SLC26A8: variants seen among roughly 807,000 people sequenced by gnomAD.
The protein encoded by SLC26A8 is testis anion transporter 1.
SLC26A8 carries 70 observed loss-of-function variants against 105.0 expected under a neutral mutation model. That is an observed-to-expected ratio of 0.67 (90% confidence interval 0.55 to 0.81). The LOEUF is 0.81. Among genes scored for constraint, SLC26A8 ranks in the 40% least tolerant of loss-of-function variants. The pLI, the probability that SLC26A8 is intolerant of heterozygous loss-of-function variation, is 0.00. For synonymous variants in SLC26A8, 415 were observed against 438.3 expected (o/e 0.95, Z 0.66); for missense variants, 998 against 1,181.8 (o/e 0.84, Z 2.28).
intron 17 of SLC26A8, among the ~76,000 whole-genome samples, chr6:35,952,583 A>G (rs1314271760): frequency 6.6e-6 from 1 of 152,202 alleles, no homozygotes; most frequent in Non-Finnish European, 1.5e-5. Context: ...GAGGAAATGA[A>G]GTCATTCTTG....
chr6:35,950,100 G>A (rs1028352761), intron 19 of SLC26A8, among the ~76,000 whole-genome samples: 2 of 151,182 alleles, frequency 1.3e-5, no homozygotes, highest in East Asian at 2.0e-4. Context: ...CCCGCCCGTT[G>A]TACGGTCTTA....
intron 3 of SLC26A8, among the ~76,000 whole-genome samples, chr6:36,000,413 TC>T (rs1452850273): frequency 6.6e-6 from 1 of 152,118 alleles, no homozygotes; most frequent in African/African-American, 2.4e-5. Context: ...GACCCCTAAT[TC>T]CAACAGCTCA....
At position 35,997,858 on chromosome 6, in the gene SLC26A8, G is replaced by A. The variant is rs768681322; in HGVS notation, c.507C>T (p.Asn169=). The change falls in exon 5 of 20, where the codon AAC becomes AAT. Residue 169 remains asparagine, a synonymous_variant. Coordinates refer to ENST00000490799, the MANE Select transcript of SLC26A8 (RefSeq NM_052961.4). The part of the protein sequence containing the change: ...INVLKVSPFN[N]GQLVMGSFVK... ...CGAAAGATCCCATGACCAGTTGACC[G>A]TTGTTGAATGGGCTCACTTTCAGAA... 13 of 1,614,036 alleles carry A rather than the reference G, an allele frequency of 8.1e-6. No individual in the cohort carries two copies. Among genetic ancestry groups the A allele is most frequent in the Admixed American group, 3.3e-5 (2 of 59,994 alleles).
intron 2 of SLC26A8, among the ~76,000 whole-genome samples, chr6:36,013,243 C>T (rs1761910510): frequency 6.6e-6 from 1 of 150,988 alleles, no homozygotes; most frequent in Non-Finnish European, 1.5e-5. Flanking sequence ...TTCGCCCAGG[C>T]TGGAGTGCAG....
rs1204562125 is a variant in SLC26A8 at position 35,944,074 on chromosome 6, G to C, written c.2739C>G (p.Asn913Lys). Residue 913 changes from asparagine (N) to lysine (K), a missense_variant, in exon 20 of 20, where the codon AAC becomes AAG. Physicochemically the swap from Asn to Lys is moderately conservative, Grantham distance 94. Coordinates refer to ENST00000490799, the MANE Select transcript of SLC26A8 (RefSeq NM_052961.4). ...TGTGAGCTCTTGGCCTAGATTTGGG[G>C]TTGGGCTCCATCTCAGGCTCAGTCT... Reference protein sequence around the residue: ...QPETEPEMEPNPKSRPRAHTF... With the variant: ...QPETEPEMEPKPKSRPRAHTF... 3 of 1,613,958 alleles carry C rather than the reference G, an allele frequency of 1.9e-6. No individual in the cohort carries two copies. Among genetic ancestry groups the C allele is most frequent in the Non-Finnish European group, 1.7e-6 (2 of 1,180,016 alleles).
intron 7 of SLC26A8, 127 bp from the exon 8 acceptor site, chr6:35,982,330 C>G: frequency 1.2e-6 from 1 of 808,086 alleles, no homozygotes; most frequent in Non-Finnish European, 2.0e-6. Flanking sequence ...AGTCCCTATG[C>G]ATGCAAGTTG....
chr6:35,964,696 T>C (rs764479472), intron 11 of SLC26A8, among the ~76,000 whole-genome samples: 2 of 151,834 alleles, frequency 1.3e-5, no homozygotes, highest in Non-Finnish European at 2.9e-5. Context: ...CCAGGCATGG[T>C]GGATCACGCC....
At chr6:35,964,566 G>C (rs148045700) in intron 11 of SLC26A8, among the ~76,000 whole-genome samples, 77 of 152,072 alleles carry the variant, frequency 5.1e-4, no homozygotes, top group Middle Eastern at 3.4e-3. Context: ...AGAATCGCTT[G>C]AACCTGGGAG....
chr6:35,998,758 T>C (rs1017969894), intron 4 of SLC26A8, among the ~76,000 whole-genome samples: 3 of 152,132 alleles, frequency 2.0e-5, no homozygotes, highest in Non-Finnish European at 2.9e-5. Context: ...ACAACCCTTA[T>C]TATAAGTATT....
chr6:35,962,330 A>G (rs1190907774), intron 12 of SLC26A8, among the ~76,000 whole-genome samples, 196 bp downstream of exon 12: 3 of 152,038 alleles, frequency 2.0e-5, no homozygotes, highest in Admixed American at 6.6e-5. Context: ...TTAATTTTGC[A>G]TAGTTGGAAT....
chr6:35,949,571 A>T (rs1287019101), intron 19 of SLC26A8, among the ~76,000 whole-genome samples: 1 of 152,124 alleles, frequency 6.6e-6, no homozygotes, highest in Non-Finnish European at 1.5e-5. Context: ...AGAGGGAATG[A>T]CTTTCTAAAT....
intron 19 of SLC26A8, among the ~76,000 whole-genome samples, chr6:35,945,594 TGTCCACATCCACTTA>T (rs1372299129): frequency 4.6e-5 from 7 of 152,202 alleles, no homozygotes; most frequent in Non-Finnish European, 2.9e-5. Flanking sequence ...TCCTCCATCT[TGTCCACATCCACTTA>T]GTCATCACCC....
chr6:35,951,059 A>C, intron 19 of SLC26A8, 104 bp downstream of exon 19: 3 of 1,131,462 alleles, frequency 2.7e-6, no homozygotes, highest in Admixed American at 2.1e-5. Flanking sequence ...TTATTCCTCT[A>C]TCTGATCAGG....
At position 35,981,858 on chromosome 6, in the gene SLC26A8, T is replaced by C. The variant is rs1245201843; in HGVS notation, c.1025+263A>G. On this transcript the variant is annotated intron_variant, in intron 8 of 19. Transcript: ENST00000490799. This position sits in a 1 kb window ranked among gnomAD's most constrained non-coding sequence, Gnocchi z 4.0. ...CTATCATGTGCTATGAAAAAAAACA[T>C]GAGATTCTCTGGTATTCAGTGCATA... Among the ~76,000 whole-genome samples the C allele has an allele frequency of 6.6e-6, 1 of 152,046 alleles. No individual in the cohort carries two copies. Among genetic ancestry groups the C allele is most frequent in the Non-Finnish European group, 1.5e-5 (1 of 68,008 alleles).
chr6:36,011,407 G>A (rs1404009583), intron 3 of SLC26A8, among the ~76,000 whole-genome samples: 1 of 152,186 alleles, frequency 6.6e-6, no homozygotes, highest in African/African-American at 2.4e-5. Flanking sequence ...TGGGACTCTG[G>A]AAGCAATATT....
intron 12 of SLC26A8, among the ~76,000 whole-genome samples, chr6:35,961,341 C>T (rs559317519): frequency 2.0e-5 from 3 of 152,254 alleles, no homozygotes; most frequent in Admixed American, 6.5e-5. Flanking sequence ...ACTTCAATTT[C>T]CTCATGTGCA....
intron 19 of SLC26A8, among the ~76,000 whole-genome samples, chr6:35,945,166 TA>T (rs1771618899): frequency 1.3e-5 from 2 of 152,220 alleles, no homozygotes; most frequent in Admixed American, 1.3e-4. Flanking sequence ...TATTTTTCAT[TA>T]AAATTTTTTT....
chr6:35,991,441 T>A (rs6457871), intron 7 of SLC26A8, among the ~76,000 whole-genome samples: 5 of 149,988 alleles, frequency 3.3e-5, no homozygotes, highest in South Asian at 2.1e-4. Flanking sequence ...AACATTTCAC[T>A]ATGTATATCA....
intron 9 of SLC26A8, among the ~76,000 whole-genome samples, chr6:35,975,746 T>C (rs1200911419): frequency 6.6e-6 from 1 of 151,566 alleles, no homozygotes; most frequent in Non-Finnish European, 1.5e-5. Context: ...AAACCCTGTC[T>C]CTACTAAAAA....
Sources: allele counts gnomAD v4.1 joint callset (sites outside exome capture counted in the v4.1 genomes callset), GRCh38; gene constraint gnomAD v4.1.1; non-coding constraint Gnocchi (gnomAD v3.1); transcripts MANE v1.5; gene names NCBI Gene and HGNC (gene_info 2026-07-23, HGNC 2026-07-21).